STXBP5: variants seen among roughly 807,000 people sequenced by gnomAD.
STXBP5 encodes the protein syntaxin binding protein 5.
STXBP5 carries 50 observed loss-of-function variants against 152.4 expected under a neutral mutation model. That is an observed-to-expected ratio of 0.33 (90% CI 0.26 to 0.42). STXBP5 has a LOEUF of 0.42. Ranked by LOEUF, STXBP5 falls within the 10% of genes least tolerant of loss-of-function variation. The pLI is 1.00. For missense variants in STXBP5, 1,167 were observed against 1,388.6 expected (o/e 0.84, Z 2.54); for synonymous variants, 492 against 494.7 (o/e 0.99, Z 0.07).
At chr6:147,273,203 A>AAAAAAAAAAAAAAG (rs1161642778) in intron 7 of STXBP5, among the ~76,000 whole-genome samples, 1 of 151,384 alleles carries the variant, frequency 6.6e-6, no homozygotes, top group African/African-American at 2.4e-5. Context: ...AGTAAAAAAA[A>AAAAAAAAAAAAAAG]AAAAATTAGC....
At chr6:147,287,901 A>C (rs763145271) in intron 8 of STXBP5, among the ~76,000 whole-genome samples, 11 of 152,156 alleles carry the variant, frequency 7.2e-5, no homozygotes, top group Non-Finnish European at 1.5e-4. Flanking sequence ...GCCATGTATG[A>C]GTATCCCTTT....
intron 27 of STXBP5, 89 bp from the exon 28 acceptor site, chr6:147,384,625 A>G: frequency 7.5e-7 from 1 of 1,331,528 alleles, no homozygotes; most frequent in Non-Finnish European, 1.1e-6. Flanking sequence ...GCAGAATGAC[A>G]TAATGTTTTG....
At position 147,324,263 on chromosome 6, in the gene STXBP5, G is replaced by GTTTTTTTTTTTTTTTT. The variant is rs764684701; in HGVS notation, c.1803-696_1803-695insTTTTTTTTTTTTTTTT. ...TTTAAGTTTTGTGGGGTTTTTTTTT[G>GTTTTTTTTTTTTTTTT]GTTTTTTTTTTTTTTTTTTTTTTTT... is the stretch of plus-strand genomic sequence containing the variant. On this transcript the variant is annotated intron_variant, in intron 16 of 27. Transcript: ENST00000321680. 1.4e-4 allele frequency among the ~76,000 whole-genome samples: 12 copies of GTTTTTTTTTTTTTTTT among 85,044 alleles called. 2 individuals carry two copies. Among genetic ancestry groups the GTTTTTTTTTTTTTTTT allele is most frequent in the Non-Finnish European group, 2.3e-4 (10 of 44,368 alleles). 55.8% of individuals were successfully genotyped at this position (85,044 alleles called of 152,430 possible). A position where few individuals can be genotyped will look rare whatever the true frequency, so the allele number is the denominator to read the frequency against.
rs1047119461 is a variant in STXBP5 at position 147,265,952 on chromosome 6, G to A, written c.631-1132G>A. Among the ~76,000 whole-genome samples, 3 of 151,836 alleles carry A rather than the reference G, an allele frequency of 2.0e-5. 1 individual carries two copies. Among genetic ancestry groups the A allele is most frequent in the Admixed American group, 1.3e-4 (2 of 15,214 alleles). On this transcript the variant is annotated intron_variant, in intron 6 of 27. Transcript: ENST00000321680. Reference sequence around the variant, plus strand: ...AAGTGTTATTGGAGCACATAGGGAGGGTATTGACTTACATTTGGTAGGTCA... The same window carrying A: ...AAGTGTTATTGGAGCACATAGGGAGAGTATTGACTTACATTTGGTAGGTCA...
In STXBP5 at chr6:147,229,004, T is replaced by C. The variant is rs563640790; in HGVS notation, c.249-6246T>C. 5.3e-5 allele frequency among the ~76,000 whole-genome samples: 8 copies of C among 152,204 alleles called. No individual in the cohort carries two copies. In the South Asian group the frequency reaches 1.4e-3, roughly 28 times the overall value. ...ATTGAATTTTCTTTGTTGTTTCTCATCTGTTAAATACGTCTTGTTTTTAAA... is the reference window on the plus strand; with the variant it reads ...ATTGAATTTTCTTTGTTGTTTCTCACCTGTTAAATACGTCTTGTTTTTAAA... On this transcript the variant is annotated intron_variant, in intron 2 of 27. Coordinates refer to ENST00000321680, the MANE Select transcript of STXBP5 (RefSeq NM_001127715.4).
chr6:147,372,048 A>G (rs1255318556), intron 25 of STXBP5, among the ~76,000 whole-genome samples: 1 of 152,170 alleles, frequency 6.6e-6, no homozygotes, highest in African/African-American at 2.4e-5. Flanking sequence ...TATATTCTAT[A>G]GTGGGTTTTA....
chr6:147,216,906 G>C (rs1777198497), intron 2 of STXBP5, among the ~76,000 whole-genome samples: 1 of 152,142 alleles, frequency 6.6e-6, no homozygotes, highest in African/African-American at 2.4e-5. Context: ...GAACTCACAT[G>C]GTAGCTATTG....
At chr6:147,380,453 C>CAAAA (rs1405289668) in intron 26 of STXBP5, among the ~76,000 whole-genome samples, 1 of 63,670 alleles carries the variant, frequency 1.6e-5, no homozygotes, top group Admixed American at 1.8e-4. Flanking sequence ...TATTCATCTG[C>CAAAA]AAAAAAAAAA....
chr6:147,204,812 A>T lies in STXBP5; in HGVS notation c.150+130A>T. On this transcript the variant is annotated intron_variant, in intron 1 of 27. Coordinates refer to ENST00000321680, the MANE Select transcript of STXBP5 (RefSeq NM_001127715.4). The surrounding 1 kb of genome is among the most constrained non-coding windows in gnomAD (Gnocchi z 4.3). ...TAATAATAATAATAACTCTAATAAA[A>T]GGCTCGCTCCTCCCTTGGCAAACGT... The T allele has an allele frequency of 9.4e-7, 1 of 1,060,872 alleles. No individual in the cohort carries two copies. Among genetic ancestry groups the T allele is most frequent in the Non-Finnish European group, 1.3e-6 (1 of 774,010 alleles). The allele number at this position is 1,060,872 out of a possible 1,614,324, so 65.7% of individuals were successfully genotyped here.
intron 4 of STXBP5, among the ~76,000 whole-genome samples, chr6:147,253,737 A>G (rs943791267): frequency 5.3e-5 from 8 of 152,174 alleles, no homozygotes; most frequent in Non-Finnish European, 1.2e-4. Flanking sequence ...ACAACTTACA[A>G]GGGATGTGAA....
intron 9 of STXBP5, among the ~76,000 whole-genome samples, chr6:147,305,932 G>T: frequency 6.6e-6 from 1 of 152,268 alleles, no homozygotes; most frequent in East Asian, 1.9e-4. Context: ...GGTAAAATCA[G>T]TAATGCAGAC....
intron 7 of STXBP5, among the ~76,000 whole-genome samples, chr6:147,270,527 A>C (rs932052872): frequency 6.6e-6 from 1 of 151,628 alleles, no homozygotes; most frequent in South Asian, 2.1e-4. Context: ...TACCTGGTGA[A>C]ATTTTTTTTT....
intron 2 of STXBP5, among the ~76,000 whole-genome samples, chr6:147,230,576 T>C (rs1562424294): frequency 6.6e-6 from 1 of 151,954 alleles, no homozygotes; most frequent in Non-Finnish European, 1.5e-5. Context: ...ATTATAAATA[T>C]ATGTTCCTTT....
At chr6:147,309,509 C>G (rs1010858696) in intron 9 of STXBP5, among the ~76,000 whole-genome samples, 2 of 151,930 alleles carry the variant, frequency 1.3e-5, no homozygotes, top group Non-Finnish European at 2.9e-5. Context: ...AGTTATGGGG[C>G]TAATTAGAAT....
Position 147,387,945 on chromosome 6 carries a change from C to G in STXBP5, c.*3190C>G, listed in dbSNP as rs1173028506. 1 of 151,700 alleles carries G rather than the reference C, an allele frequency of 6.6e-6. No individual in the cohort carries two copies. The highest frequency in any genetic ancestry group is 1.5e-5 in the Non-Finnish European group (1 of 67,738). 9.4% of individuals were successfully genotyped at this position (151,700 alleles called of 1,614,324 possible). ...GAGGAAAGGAAGAATATGTGGAAGA[C>G]ACCACGGAGTTCAAAGTTTTACCCT... On this transcript the variant is annotated 3_prime_UTR_variant, in exon 28 of 28. Coordinates refer to ENST00000321680, the MANE Select transcript of STXBP5 (RefSeq NM_001127715.4).
intron 5 of STXBP5, among the ~76,000 whole-genome samples, chr6:147,261,571 T>C (rs1021897040): frequency 7.9e-5 from 12 of 152,196 alleles, no homozygotes; most frequent in South Asian, 4.1e-4. Context: ...TGTGTTAGTA[T>C]AGCTGTAATA....
chr6:147,250,843 A>C (rs1242345048), intron 4 of STXBP5, among the ~76,000 whole-genome samples: 2 of 152,002 alleles, frequency 1.3e-5, no homozygotes, highest in Non-Finnish European at 2.9e-5. Context: ...TAAGATCAAA[A>C]TTCATTTATT....
intron 2 of STXBP5, among the ~76,000 whole-genome samples, chr6:147,225,700 A>G (rs983736519): frequency 5.9e-5 from 9 of 152,118 alleles, no homozygotes; most frequent in Admixed American, 1.3e-4. Flanking sequence ...CAGGAGCGAT[A>G]CTCTCAGACT....
chr6:147,241,343 T>C (rs1778530616), intron 4 of STXBP5, among the ~76,000 whole-genome samples: 1 of 152,208 alleles, frequency 6.6e-6, no homozygotes, highest in Non-Finnish European at 1.5e-5. Context: ...TGTTGAACAA[T>C]TCTATGTATT....
Sources: allele counts gnomAD v4.1 joint callset (sites outside exome capture counted in the v4.1 genomes callset), GRCh38; gene constraint gnomAD v4.1.1; non-coding constraint Gnocchi (gnomAD v3.1); transcripts MANE v1.5; gene names NCBI Gene and HGNC (gene_info 2026-07-23, HGNC 2026-07-21).